The following TSPAN7 variants were observed in gnomAD, a reference collection of about 807,000 sequenced individuals.
The protein encoded by TSPAN7 is tetraspanin 7.
A neutral mutation model predicts 17.6 loss-of-function variants in TSPAN7; 1 was observed. That is an observed-to-expected ratio of 0.06 (90% CI 0.02 to 0.27). TSPAN7 has a LOEUF of 0.27. TSPAN7 is among the 10% of genes least tolerant of loss of function. The pLI is 1.00. For synonymous variants in TSPAN7, 78 were observed against 79.0 expected (o/e 0.99, Z 0.07); for missense variants, 112 against 201.7 (o/e 0.56, Z 2.69).
At chrX:38,610,327 T>C in intron 1 of TSPAN7, among the ~76,000 whole-genome samples, 1 of 112,040 alleles carries the variant, frequency 8.9e-6, no homozygotes, top group Non-Finnish European at 1.9e-5. Flanking sequence ...GTAGCCTAAC[T>C]CAAGATTCTG....
At chrX:38,564,726 A>G (rs2069132784) in intron 1 of TSPAN7, among the ~76,000 whole-genome samples, 1 of 112,021 alleles carries the variant, frequency 8.9e-6, no homozygotes, top group Admixed American at 9.4e-5. Context: ...CTGATGTGTA[A>G]TGATGCTGAG....
intron 1 of TSPAN7, among the ~76,000 whole-genome samples, chrX:38,583,746 T>C (rs1385006412): frequency 9.1e-6 from 1 of 110,117 alleles, no homozygotes; most frequent in Non-Finnish European, 1.9e-5. Context: ...CAGAATTCAG[T>C]GTTTTTTGCT....
At chrX:38,662,849 T>C (rs1453910062) in intron 1 of TSPAN7, among the ~76,000 whole-genome samples, 1 of 110,183 alleles carries the variant, frequency 9.1e-6, no homozygotes, top group African/African-American at 3.3e-5. Context: ...AAGGGGCGTG[T>C]CTAACCCAGT....
intron 1 of TSPAN7, among the ~76,000 whole-genome samples, chrX:38,606,203 A>G (rs1180727745): frequency 9.1e-6 from 1 of 110,064 alleles, no homozygotes; most frequent in Non-Finnish European, 1.9e-5. Context: ...ATGAACTCCA[A>G]CAAATTTACA....
intron 1 of TSPAN7, among the ~76,000 whole-genome samples, chrX:38,638,004 A>G (rs1201675674): frequency 1.8e-5 from 2 of 110,830 alleles, no homozygotes; most frequent in Non-Finnish European, 3.8e-5. Context: ...AGAGCACCCT[A>G]TAGGCAGCCA....
At chrX:38,636,267 T>A (rs2069579367) in intron 1 of TSPAN7, among the ~76,000 whole-genome samples, 1 of 111,470 alleles carries the variant, frequency 9.0e-6, no homozygotes, top group African/African-American at 3.3e-5. Context: ...TTTTATTGTT[T>A]TCTTTTCCCT....
intron 1 of TSPAN7, among the ~76,000 whole-genome samples, chrX:38,587,865 A>AG (rs1209866485): frequency 8.9e-6 from 1 of 111,992 alleles, no homozygotes; most frequent in Non-Finnish European, 1.9e-5. Context: ...GAGTGTTTGA[A>AG]GGGAAAAACA....
intron 1 of TSPAN7, among the ~76,000 whole-genome samples, chrX:38,575,272 C>G (rs1422329539): frequency 1.8e-5 from 2 of 111,768 alleles, no homozygotes; most frequent in African/African-American, 6.5e-5. Context: ...AAACAGAAGA[C>G]TCAGCTAAGC....
chrX:38,578,846 T>A (rs1048600688), intron 1 of TSPAN7, among the ~76,000 whole-genome samples: 2 of 111,616 alleles, frequency 1.8e-5, no homozygotes, highest in African/African-American at 6.5e-5. Context: ...TATGTGTACA[T>A]GTATACATAT....
At chrX:38,614,884 C>T (rs1293548829) in intron 1 of TSPAN7, among the ~76,000 whole-genome samples, 2 of 112,390 alleles carry the variant, frequency 1.8e-5, no homozygotes, top group East Asian at 2.8e-4. Flanking sequence ...GCACCAGCAT[C>T]ACATTTCCCT....
chrX:38,675,960 C>A, intron 5 of TSPAN7, 100 bp downstream of exon 5: 1 of 1,012,625 alleles, frequency 9.9e-7, no homozygotes, highest in South Asian at 2.0e-5. Context: ...AAATAGTAGT[C>A]AAGGGAAAGA....
intron 1 of TSPAN7, among the ~76,000 whole-genome samples, chrX:38,665,499 T>C (rs1414061264): frequency 1.8e-5 from 2 of 112,163 alleles, no homozygotes; most frequent in Admixed American, 9.5e-5. Context: ...GGGATTTCCT[T>C]TGGACTGATC....
At position 38,604,984 on chromosome X, in the gene TSPAN7, CT is replaced by C. The variant is rs1213103922; in HGVS notation, c.81+43360del. Among the ~76,000 whole-genome samples the C allele has an allele frequency of 2.7e-5, 3 of 111,338 alleles. No individual in the cohort carries two copies. The East Asian group carries it at 8.5e-4, about 31-fold the overall frequency. On this transcript the variant is annotated intron_variant, in intron 1 of 7. Transcript: ENST00000378482. Reference sequence around the variant, plus strand: ...AATGGGCAAAAACTGGATGCATTCCCTTTGAAAACTGGCACAAGACAAGGAT... The same window carrying C: ...AATGGGCAAAAACTGGATGCATTCCCTTGAAAACTGGCACAAGACAAGGAT...
At chrX:38,670,811 T>C (rs2069817050) in intron 2 of TSPAN7, among the ~76,000 whole-genome samples, 1 of 112,584 alleles carries the variant, frequency 8.9e-6, no homozygotes, top group Non-Finnish European at 1.9e-5. Context: ...TTGGGCTGGT[T>C]CTTATTTCTT....
chrX:38,571,193 T>C (rs2069167812), intron 1 of TSPAN7, among the ~76,000 whole-genome samples: 1 of 111,234 alleles, frequency 9.0e-6, no homozygotes, highest in Admixed American at 9.6e-5. Flanking sequence ...TCCAGGTGCC[T>C]TATACTAGAG....
At position 38,656,990 on chromosome X, in the gene TSPAN7, ATTCT is replaced by A. The variant is rs1453927928; in HGVS notation, c.82-9124_82-9121del. 2.7e-5 allele frequency among the ~76,000 whole-genome samples: 3 copies of A among 112,408 alleles called. No homozygotes were observed. The Admixed American group carries it at 2.8e-4, about 11-fold the overall frequency. On this transcript the variant is annotated intron_variant, in intron 1 of 7. Transcript: ENST00000378482. ...AATGTACGGATATGTGTGCAGTTAA[ATTCT>A]TTCTTTTCTTTTTGCTTCTGGGCCT...
Position 38,566,195 on chromosome X carries a change from G to T in TSPAN7, c.81+4568G>T, listed in dbSNP as rs1437191705. 4 of 261,270 alleles carry T rather than the reference G, an allele frequency of 1.5e-5. No homozygotes were observed. In the South Asian group the frequency reaches 2.2e-4, roughly 14 times the overall value. 21.5% of individuals were successfully genotyped at this position (261,270 alleles called of 1,213,427 possible). ...ACTATATAATTATTTGAAGACAAAA[G>T]GTAGGTACCTCTTTATATAATTGTG... On this transcript the variant is annotated intron_variant, in intron 1 of 7. Transcript: ENST00000378482.
rs138427413 is a variant in TSPAN7, at chrX:38,674,270, A to G, written c.395A>G (p.Asn132Ser). 5 of 1,198,668 alleles carry G rather than the reference A, an allele frequency of 4.2e-6. No individual in the cohort carries two copies. The African/African-American group carries it at 7.0e-5, about 17-fold the overall frequency. ...TACACGGACGCTATGCAGACTTACA[A>G]TGGCAATGATGAGAGGAGCCGGGCA... is the stretch of plus-strand genomic sequence containing the variant. ...RTYTDAMQTY[N>S]GNDERSRAVD... The change falls in exon 4 of 8, where the codon AAT (asparagine) becomes AGT (serine). Residue 132 changes from asparagine to serine, a missense_variant. Transcript: ENST00000378482.
chrX:38,661,146 T>C (rs1482315346), intron 1 of TSPAN7, among the ~76,000 whole-genome samples: 2 of 112,127 alleles, frequency 1.8e-5, no homozygotes, highest in Admixed American at 1.9e-4. Flanking sequence ...TTATCAGTAT[T>C]AGCCAGGTTG....
Sources: allele counts gnomAD v4.1 joint callset (sites outside exome capture counted in the v4.1 genomes callset), GRCh38; gene constraint gnomAD v4.1.1; transcripts MANE v1.5; gene names NCBI Gene and HGNC (gene_info 2026-07-23, HGNC 2026-07-21).